MXI1: variants seen among roughly 807,000 people sequenced by gnomAD.
The protein encoded by MXI1 is max-interacting protein 1.
Under a neutral mutation model 36.9 loss-of-function variants are expected in MXI1, and 18 were observed. That is an observed-to-expected ratio of 0.49 (90% confidence interval 0.34 to 0.72). The LOEUF is 0.72. Among genes scored for constraint, MXI1 ranks in the 30% least tolerant of loss-of-function variants. The probability of loss-of-function intolerance (pLI) is 0.01; values close to 1 mark genes in which losing one functional copy is unlikely to be tolerated. For synonymous variants in MXI1, 160 were observed against 146.7 expected, an observed-to-expected ratio of 1.09 and a Z score of -0.65; for missense variants, 304 against 379.1, an observed-to-expected ratio of 0.80 and a Z score of 1.64.
At chr10:110,237,876 A>G (rs1298678046) in intron 2 of MXI1, among the ~76,000 whole-genome samples, 1 of 152,200 alleles carries the variant, frequency 6.6e-6, no homozygotes, top group Non-Finnish European at 1.5e-5. Flanking sequence ...CCTGGGCTCA[A>G]GGCAGTCCTT....
chr10:110,278,653 TAAC>T (rs1459617277), intron 3 of MXI1, among the ~76,000 whole-genome samples: 1 of 152,054 alleles, frequency 6.6e-6, no homozygotes, highest in Non-Finnish European at 1.5e-5. Context: ...AACTAATATA[TAAC>T]AACATGTAAC....
chr10:110,222,822 G>A (rs1167027271), intron 1 of MXI1, among the ~76,000 whole-genome samples: 1 of 152,238 alleles, frequency 6.6e-6, no homozygotes, highest in Admixed American at 6.5e-5. Flanking sequence ...GGGATGGTTT[G>A]TGGGTAGCAT....
chr10:110,218,790 G>A (rs1019077614), intron 1 of MXI1, among the ~76,000 whole-genome samples: 4 of 152,284 alleles, frequency 2.6e-5, no homozygotes, highest in East Asian at 1.9e-4. Flanking sequence ...TCCTGGAGGC[G>A]CCCGAGCTTG....
intron 1 of MXI1, among the ~76,000 whole-genome samples, chr10:110,215,481 C>G (rs1854614524): frequency 6.6e-6 from 1 of 152,164 alleles, no homozygotes; most frequent in Admixed American, 6.5e-5. Context: ...CAAGATGACA[C>G]AGCAGAGGCA....
chr10:110,245,073 C>T (rs538475427), intron 3 of MXI1, among the ~76,000 whole-genome samples: 4 of 152,108 alleles, frequency 2.6e-5, no homozygotes, highest in East Asian at 3.9e-4. Context: ...AAAGCTTACT[C>T]GAATTTGAGT....
intron 3 of MXI1, among the ~76,000 whole-genome samples, chr10:110,260,845 A>C (rs1170891495): frequency 6.6e-6 from 1 of 152,108 alleles, no homozygotes; most frequent in Admixed American, 6.6e-5. Flanking sequence ...ACTACTTACC[A>C]CTGACTTCTA....
At chr10:110,239,170 G>A (rs569978656) in intron 2 of MXI1, among the ~76,000 whole-genome samples, 5 of 152,152 alleles carry the variant, frequency 3.3e-5, no homozygotes, top group African/African-American at 1.2e-4. Context: ...TGCATCATAG[G>A]ATGTTTAGCA....
intron 5 of MXI1, among the ~76,000 whole-genome samples, chr10:110,282,770 A>G (rs1857300543): frequency 6.6e-6 from 1 of 152,028 alleles, no homozygotes; most frequent in Admixed American, 6.6e-5. Context: ...TTTAGTTAAC[A>G]TCTGTGGTAC....
At chr10:110,271,154 A>C (rs1034792049) in intron 3 of MXI1, among the ~76,000 whole-genome samples, 1 of 151,956 alleles carries the variant, frequency 6.6e-6, no homozygotes, top group African/African-American at 2.4e-5. Flanking sequence ...GTTACTCTAC[A>C]TGTAGACATC....
At chr10:110,223,318 A>G (rs1266225773) in intron 1 of MXI1, among the ~76,000 whole-genome samples, 4 of 152,146 alleles carry the variant, frequency 2.6e-5, no homozygotes, top group African/African-American at 9.7e-5. Context: ...GTAGAGTTGT[A>G]TTTGTCCTGG....
In MXI1 at chr10:110,274,912, TC is replaced by T. The variant is rs1856977156; in HGVS notation, c.438-4267del. On this transcript the variant is annotated intron_variant, in intron 3 of 5. Coordinates refer to ENST00000332674, the MANE Select transcript of MXI1 (RefSeq NM_130439.3). ...TTTTTTTTGGTGGAGTCTCACACTGTCACCCAGGCTGGAGTGCACTGGCGCG... is the reference window on the plus strand; with the variant it reads ...TTTTTTTTGGTGGAGTCTCACACTGTACCCAGGCTGGAGTGCACTGGCGCG... Among the ~76,000 whole-genome samples the T allele has an allele frequency of 2.7e-5, 4 of 146,864 alleles. 1 individual carries two copies. The South Asian group carries it at 8.8e-4, about 32-fold the overall frequency.
In MXI1 at chr10:110,228,337, C is replaced by G. The variant is rs781580254; in HGVS notation, c.407+16C>G. The G allele has an allele frequency of 6.2e-6, 10 of 1,613,820 alleles. No individual in the cohort carries two copies. Among genetic ancestry groups the G allele is most frequent in the Admixed American group, 1.7e-5 (1 of 59,980 alleles). On this transcript the variant is annotated intron_variant, in intron 2 of 5. Coordinates refer to ENST00000332674, the MANE Select transcript of MXI1 (RefSeq NM_130439.3). ...CTGCCAACAGGTAGCAAGCTGGGAA[C>G]GCTTAGAAGAGGGAACTGGAGGGAA... is the stretch of plus-strand genomic sequence containing the variant.
chr10:110,208,093 G>C lies in MXI1; in HGVS notation c.274+11G>C, dbSNP rs1292465832. 1 of 1,574,432 alleles carries C rather than the reference G, an allele frequency of 6.4e-7. No individual in the cohort carries two copies. The highest frequency in any genetic ancestry group is 2.5e-5 in the East Asian group (1 of 40,050). ...AGAAAGAAAACAAAAGTAAGTTTGGGGGCCCCTGCTCTTCCTCGGCGCCCG... is the reference window on the plus strand; with the variant it reads ...AGAAAGAAAACAAAAGTAAGTTTGGCGGCCCCTGCTCTTCCTCGGCGCCCG... On this transcript the variant is annotated intron_variant, in intron 1 of 5. Transcript: ENST00000332674.
At chr10:110,271,179 C>G (rs1856841069) in intron 3 of MXI1, among the ~76,000 whole-genome samples, 1 of 151,678 alleles carries the variant, frequency 6.6e-6, no homozygotes, top group Non-Finnish European at 1.5e-5. Context: ...GTGGTATGCA[C>G]CTTATTAACA....
chr10:110,229,699 A>G lies in MXI1; in HGVS notation c.407+1378A>G, dbSNP rs11195036. Among the ~76,000 whole-genome samples, 342 of 152,234 alleles carry G rather than the reference A, an allele frequency of 2.2e-3. 13 individuals are homozygous for G. The East Asian group carries it at 0.047, about 21-fold the overall frequency. On this transcript the variant is annotated intron_variant, in intron 2 of 5. Coordinates refer to ENST00000332674, the MANE Select transcript of MXI1 (RefSeq NM_130439.3). Reference sequence around the variant, plus strand: ...TGTGTGGGTCTAGAGATTTTGTTGTAGTATGGTGTATTTGAGATGAAAATA... The same window carrying G: ...TGTGTGGGTCTAGAGATTTTGTTGTGGTATGGTGTATTTGAGATGAAAATA...
chr10:110,238,262 C>G (rs779351829), intron 2 of MXI1, among the ~76,000 whole-genome samples: 3 of 152,194 alleles, frequency 2.0e-5, no homozygotes, highest in Non-Finnish European at 2.9e-5. Context: ...CCCCAACCCT[C>G]TAATCACATG....
intron 3 of MXI1, among the ~76,000 whole-genome samples, chr10:110,274,435 C>T (rs1590402828): frequency 6.6e-6 from 1 of 152,038 alleles, no homozygotes; most frequent in East Asian, 1.9e-4. Context: ...AGCAAGGGGA[C>T]TCCAGTTTTC....
At chr10:110,259,775 A>G (rs1050223513) in intron 3 of MXI1, among the ~76,000 whole-genome samples, 2 of 152,070 alleles carry the variant, frequency 1.3e-5, no homozygotes, top group Admixed American at 1.3e-4. Context: ...CTAGTAAATA[A>G]TGTCAATCCC....
rs1821490516 is a variant in MXI1 at position 110,287,048 on chromosome 10, A to G, written c.*2061A>G. The G allele has an allele frequency of 6.6e-6, 1 of 152,232 alleles. No individual in the cohort carries two copies. The highest frequency in any genetic ancestry group is 2.4e-5 in the African/African-American group (1 of 41,466). The allele number at this position is 152,232 out of a possible 1,614,324, so 9.4% of individuals were successfully genotyped here. ...GAGACAGTTTGAAGACTGTGCTACC[A>G]TACAAAGTGAATGAAGCCAGTGACT... On this transcript the variant is annotated 3_prime_UTR_variant, in exon 6 of 6. Coordinates refer to ENST00000332674, the MANE Select transcript of MXI1 (RefSeq NM_130439.3).
Sources: allele counts gnomAD v4.1 joint callset (sites outside exome capture counted in the v4.1 genomes callset), GRCh38; gene constraint gnomAD v4.1.1; transcripts MANE v1.5; gene names NCBI Gene and HGNC (gene_info 2026-07-23, HGNC 2026-07-21).